The following TMEM9 variants were observed in gnomAD, a reference collection of about 807,000 sequenced individuals.
TMEM9 encodes the protein proton-transporting V-type ATPase complex assembly regulator TMEM9.
TMEM9 carries 13 observed loss-of-function variants against 22.8 expected under a neutral mutation model. The observed-to-expected ratio is 0.57, with a 90% CI of 0.37 to 0.91. The LOEUF is 0.91. Among genes scored for constraint, TMEM9 ranks in the 40% least tolerant of loss-of-function variants. TMEM9 has a pLI of 0.01. For synonymous variants in TMEM9, 88 were observed against 93.0 expected, an observed-to-expected ratio of 0.95 and a Z score of 0.31; for missense variants, 182 against 238.1, an observed-to-expected ratio of 0.76 and a Z score of 1.55.
chr1:201,138,663 C>T (rs568933746), intron 4 of TMEM9, among the ~76,000 whole-genome samples: 1 of 152,318 alleles, frequency 6.6e-6, no homozygotes, highest in South Asian at 2.1e-4. Context: ...TGACAAGTGC[C>T]ACTATGTGCC....
chr1:201,135,860 GA>G, intron 4 of TMEM9, 45 bp from the exon 5 acceptor site: 1 of 1,527,646 alleles, frequency 6.5e-7, no homozygotes, highest in Non-Finnish European at 8.8e-7. Context: ...CGGTAAGCCA[GA>G]AGGGTCTTGG....
chr1:201,144,320 CTA>C (rs1389069251), intron 3 of TMEM9: 2 of 206,580 alleles, frequency 9.7e-6, no homozygotes, highest in Non-Finnish European at 2.0e-5. Flanking sequence ...CAATCAGAAA[CTA>C]AGAGCAAGGA....
At chr1:201,143,155 G>C (rs1479713719) in intron 4 of TMEM9, among the ~76,000 whole-genome samples, 1 of 152,326 alleles carries the variant, frequency 6.6e-6, no homozygotes, top group African/African-American at 2.4e-5. Context: ...TGGGGTCAGT[G>C]GTTCCCCACT....
intron 1 of TMEM9, among the ~76,000 whole-genome samples, chr1:201,165,633 C>T (rs1217403756): frequency 1.3e-5 from 2 of 152,136 alleles, no homozygotes; most frequent in East Asian, 1.9e-4. Flanking sequence ...GATGGGGTTT[C>T]GCCATGTTGG....
chr1:201,145,203 C>A (rs567454096), intron 3 of TMEM9: 1 of 152,238 alleles, frequency 6.6e-6, no homozygotes, highest in Non-Finnish European at 1.5e-5. Flanking sequence ...GGGGGAAACA[C>A]GAGGGATTAG....
chr1:201,162,108 AG>A (rs1665957757), intron 1 of TMEM9, among the ~76,000 whole-genome samples: 1 of 152,048 alleles, frequency 6.6e-6, no homozygotes, highest in Admixed American at 6.6e-5. Context: ...GTGTGGTATT[AG>A]TGGAGGTATA....
chr1:201,159,113 A>G (rs529642147), upstream of TMEM9, among the ~76,000 whole-genome samples: 61 of 152,356 alleles, frequency 4.0e-4, no homozygotes, highest in South Asian at 0.011. Context: ...TAGACACACT[A>G]AAAGATCATC....
intron 1 of TMEM9, among the ~76,000 whole-genome samples, chr1:201,166,047 AC>A (rs1666065611): frequency 6.6e-6 from 1 of 152,094 alleles, no homozygotes; most frequent in South Asian, 2.1e-4. Context: ...GCTCACTGCA[AC>A]CTTGACATTA....
intron 1 of TMEM9, among the ~76,000 whole-genome samples, chr1:201,167,847 C>A (rs1347114404): frequency 6.6e-6 from 1 of 152,184 alleles, no homozygotes; most frequent in Admixed American, 6.5e-5. Context: ...GATGGGATTA[C>A]CTTTGCATAA....
upstream of TMEM9, among the ~76,000 whole-genome samples, chr1:201,155,199 CT>C (rs1665748700): frequency 6.6e-6 from 1 of 152,218 alleles, no homozygotes; most frequent in African/African-American, 2.4e-5. Flanking sequence ...GGCGCTCCCC[CT>C]AAGCAGCTGT....
chr1:201,158,029 G>T (rs1424106710), upstream of TMEM9, among the ~76,000 whole-genome samples: 2 of 152,224 alleles, frequency 1.3e-5, no homozygotes, highest in Non-Finnish European at 2.9e-5. Context: ...TAATTAGATG[G>T]CTCCTTAACA....
chr1:201,143,699 A>T, intron 4 of TMEM9, 121 bp downstream of exon 4: 1 of 980,082 alleles, frequency 1.0e-6, no homozygotes, highest in Non-Finnish European at 1.5e-6. Context: ...GACACTGACC[A>T]GAAGAGCAAC....
chr1:201,151,962 A>G, intron 1 of TMEM9, 110 bp from the exon 2 acceptor site: 3 of 782,476 alleles, frequency 3.8e-6, no homozygotes, highest in Non-Finnish European at 4.4e-6. Flanking sequence ...TAGGTGAACC[A>G]TATCTATGCT....
At position 201,169,950 on chromosome 1, in the gene TMEM9, T is replaced by C. The variant is rs191826150; in HGVS notation, c.-37+1540A>G. Among the ~76,000 whole-genome samples, 127 of 152,304 alleles carry C rather than the reference T, an allele frequency of 8.3e-4. 2 individuals are homozygous for C. In the East Asian group the frequency reaches 0.017, roughly 21 times the overall value. ...CCCAGAGAAGCTAGGTGGTGTTACATATTCCCAATCTTCAGCTGTGACTCC... is the reference window on the plus strand; with the variant it reads ...CCCAGAGAAGCTAGGTGGTGTTACACATTCCCAATCTTCAGCTGTGACTCC... On this transcript the variant is annotated intron_variant, in intron 1 of 5. Coordinates refer to the TMEM9 transcript ENST00000367333.
At chr1:201,152,617 C>A (rs1665523391) in intron 1 of TMEM9, among the ~76,000 whole-genome samples, 2 of 152,204 alleles carry the variant, frequency 1.3e-5, no homozygotes, top group Non-Finnish European at 2.9e-5. Flanking sequence ...GGACTTTACA[C>A]TTACAGGGCA....
chr1:201,168,122 T>G (rs1169372842), intron 1 of TMEM9, among the ~76,000 whole-genome samples: 1 of 152,262 alleles, frequency 6.6e-6, no homozygotes, highest in African/African-American at 2.4e-5. Flanking sequence ...CTAAATAATA[T>G]TCCATTGTAT....
At chr1:201,159,335 G>T (rs1325746783), upstream of TMEM9, among the ~76,000 whole-genome samples, 1 of 152,148 alleles carries the variant, frequency 6.6e-6, no homozygotes, top group Non-Finnish European at 1.5e-5. Context: ...TTACCTCTCT[G>T]GCCACAGCAG....
chr1:201,137,532 T>G (rs1664117588), intron 4 of TMEM9, among the ~76,000 whole-genome samples: 1 of 149,914 alleles, frequency 6.7e-6, no homozygotes, highest in Non-Finnish European at 1.5e-5. Flanking sequence ...AAAAGAAGTT[T>G]CATAAAACAA....
intron 1 of TMEM9, among the ~76,000 whole-genome samples, chr1:201,153,473 C>G (rs2102280840): frequency 6.6e-6 from 1 of 152,022 alleles, no homozygotes; most frequent in East Asian, 1.9e-4. Flanking sequence ...AGACTTAGGT[C>G]CCCTCCCCAA....
Sources: gnomAD v4.1 joint callset for allele counts (sites outside exome capture counted in the v4.1 genomes callset) on GRCh38, gnomAD v4.1.1 for gene constraint, MANE v1.5 for transcripts, NCBI Gene and HGNC (gene_info 2026-07-23, HGNC 2026-07-21) for gene names.